Variants in USP35 observed in about 807,000 individuals in gnomAD.
USP35 encodes the protein ubiquitin carboxyl-terminal hydrolase 35.
USP35 carries 69 observed loss-of-function variants against 83.8 expected under a neutral mutation model. The observed-to-expected ratio is 0.82, with a 90% CI of 0.68 to 1.01. The LOEUF (loss-of-function observed/expected upper bound fraction) is 1.01, where lower values mean the gene tolerates loss of function less well. Among genes scored for constraint, USP35 ranks in the 50% least tolerant of loss-of-function variants. The pLI, the probability that USP35 is intolerant of heterozygous loss-of-function variation, is 0.00. For synonymous variants in USP35, 714 were observed against 589.5 expected, an observed-to-expected ratio of 1.21 and a Z score of -3.06; for missense variants, 1,503 against 1,362.5, an observed-to-expected ratio of 1.10 and a Z score of -1.62.
downstream of USP35, chr11:78,215,894 T>C (rs899227412): frequency 6.6e-5 from 10 of 152,658 alleles, no homozygotes; most frequent in African/African-American, 2.4e-4. Context: ...GATGTCCCCA[T>C]GGGAGAAGGG....
intron 9 of USP35, 117 bp downstream of exon 9, chr11:78,209,080 G>A: frequency 9.5e-7 from 1 of 1,048,492 alleles, no homozygotes; most frequent in Non-Finnish European, 1.4e-6. Context: ...TCCAACATGT[G>A]GAGGGCGTGG....
In USP35 at chr11:78,204,619, C is replaced by G. The variant is rs142031658; in HGVS notation, c.1198-1223C>G. Among the ~76,000 whole-genome samples the G allele has an allele frequency of 2.0e-3, 309 of 152,236 alleles. 1 individual carries two copies. The highest frequency in any genetic ancestry group is 7.2e-3 in the African/African-American group (300 of 41,540). ...CACGGATATGTGGGGTTGTGTCTGC[C>G]TTTTTGCCTCTATTCATTCATGTTG... On this transcript the variant is annotated intron_variant, in intron 6 of 10. Transcript: ENST00000529308.
chr11:78,221,698 G>T, the USP35 span: 1 of 1,611,970 alleles, frequency 6.2e-7, no homozygotes, highest in Non-Finnish European at 8.5e-7. Flanking sequence ...AGTTCTCTTC[G>T]CTGTCTCCTG....
At chr11:78,216,116 G>A (rs932652256), downstream of USP35, 4 of 152,716 alleles carry the variant, frequency 2.6e-5, no homozygotes, top group Non-Finnish European at 5.9e-5. Context: ...AGCACCAGCT[G>A]TGGATGGGAC....
chr11:78,235,848 A>C, the USP35 span, among the ~76,000 whole-genome samples: 1 of 152,180 alleles, frequency 6.6e-6, no homozygotes, highest in East Asian at 1.9e-4. Flanking sequence ...TGAGCCCTCC[A>C]AACTGTTCCA....
chr11:78,226,311 G>C, the USP35 span, among the ~76,000 whole-genome samples: 2 of 152,286 alleles, frequency 1.3e-5, no homozygotes, highest in East Asian at 3.9e-4. Flanking sequence ...ACTGGTAAGG[G>C]ATCTGGGTAG....
intron 6 of USP35, among the ~76,000 whole-genome samples, chr11:78,204,509 C>T (rs1863475602): frequency 6.6e-6 from 1 of 152,084 alleles, no homozygotes; most frequent in African/African-American, 2.4e-5. Context: ...TTTTTATTTT[C>T]CTGAGAACAA....
At chr11:78,201,266 T>A (rs1863350773) in intron 6 of USP35, among the ~76,000 whole-genome samples, 1 of 152,144 alleles carries the variant, frequency 6.6e-6, no homozygotes, top group African/African-American at 2.4e-5. Flanking sequence ...TCACATGTTA[T>A]CACTGTCTGT....
At chr11:78,230,765 T>A in the USP35 span, among the ~76,000 whole-genome samples, 5 of 152,264 alleles carry the variant, frequency 3.3e-5, no homozygotes, top group Non-Finnish European at 5.9e-5. Context: ...GGGAATTTGT[T>A]CTAGCAGCCA....
chr11:78,225,120 A>G, the USP35 span: 320,428 of 1,608,886 alleles, frequency 0.2, 38,069 homozygotes, highest in African/African-American at 0.44. Context: ...GGAAAGAGCC[A>G]ACTCCATCAC....
the USP35 span, among the ~76,000 whole-genome samples, chr11:78,231,367 GTGTC>G: frequency 6.6e-6 from 1 of 151,996 alleles, no homozygotes; most frequent in Non-Finnish European, 1.5e-5. Flanking sequence ...GTGTGTGTGT[GTGTC>G]GGAGTCTCAT....
chr11:78,234,082 T>G, the USP35 span, among the ~76,000 whole-genome samples: 1 of 152,190 alleles, frequency 6.6e-6, no homozygotes, highest in Non-Finnish European at 1.5e-5. Context: ...AAGTTTCTTT[T>G]CTTTTCTTTT....
chr11:78,197,827 G>C (rs1863200343), intron 2 of USP35, 109 bp from the exon 3 acceptor site: 8 of 1,451,526 alleles, frequency 5.5e-6, no homozygotes, highest in Non-Finnish European at 7.3e-6. Context: ...CCTCTGCTGT[G>C]CTCTTCCTAG....
the USP35 span, among the ~76,000 whole-genome samples, chr11:78,228,170 C>G: frequency 6.6e-6 from 1 of 152,144 alleles, no homozygotes; most frequent in African/African-American, 2.4e-5. Context: ...CATCTGGCCC[C>G]GATGCTCTAC....
the USP35 span, among the ~76,000 whole-genome samples, chr11:78,224,821 C>G: frequency 3.3e-5 from 5 of 152,138 alleles, no homozygotes; most frequent in Admixed American, 3.3e-4. Context: ...GAGGTTCCCC[C>G]ACCGTGCAGC....
At position 78,210,679 on chromosome 11, in the gene USP35, A is replaced by T. The variant is rs1408946108; in HGVS notation, c.2824A>T (p.Thr942Ser). 1.9e-6 allele frequency: 3 copies of T among 1,608,886 alleles called. No individual in the cohort carries two copies. The highest frequency in any genetic ancestry group is 2.7e-5 in the African/African-American group (2 of 74,696). ...TGAGTTGGGCTCTTCTAGAGTCCGG[A>T]CAGAGCCCACCCTGCACAAGGACTT... ...EAELGSSRVR[T>S]EPTLHKDLME... is the part of the protein sequence containing the mutation. Residue 942 changes from threonine to serine, a missense_variant, in exon 10 of 11, where the codon ACA becomes TCA. Thr to Ser is a moderately conservative substitution (Grantham distance 58). Transcript: ENST00000529308.
intron 10 of USP35, among the ~76,000 whole-genome samples, chr11:78,213,436 A>T (rs2134424116): frequency 6.6e-6 from 1 of 152,110 alleles, no homozygotes; most frequent in African/African-American, 2.4e-5. Flanking sequence ...CAGCTGGCTC[A>T]GGGACTAGAG....
At chr11:78,203,752 G>A (rs2512539) in intron 6 of USP35, among the ~76,000 whole-genome samples, 2 of 150,758 alleles carry the variant, frequency 1.3e-5, no homozygotes, top group Non-Finnish European at 1.5e-5. Context: ...CTAATTTTTC[G>A]TATTTTTAGT....
At chr11:78,221,659 G>C in the USP35 span, 1 of 1,528,386 alleles carries the variant, frequency 6.5e-7, no homozygotes, top group Non-Finnish European at 9.0e-7. Context: ...TCATTCCAGC[G>C]AAGCCCGAAG....
Sources: allele counts gnomAD v4.1 joint callset (sites outside exome capture counted in the v4.1 genomes callset), GRCh38; gene constraint gnomAD v4.1.1; transcripts MANE v1.5; gene names NCBI Gene and HGNC (gene_info 2026-07-23, HGNC 2026-07-21).